The following DIABLO variants were observed in gnomAD, a reference collection of about 807,000 sequenced individuals.
DIABLO encodes the protein diablo IAP-binding mitochondrial protein, also known as diablo homolog, mitochondrial.
In DIABLO, 32 loss-of-function variants were observed where a neutral mutation model predicts 31.7. The ratio of observed to expected loss-of-function variants is 1.01; its 90% CI spans 0.76 to 1.35. The LOEUF (loss-of-function observed/expected upper bound fraction) is 1.35. Among genes scored for constraint, DIABLO ranks in the 40% most tolerant of loss-of-function variants. The pLI is 0.00. For missense variants in DIABLO, 316 were observed against 286.4 expected (o/e 1.10, Z -0.75); for synonymous variants, 132 against 103.2 (o/e 1.28, Z -1.69).
At chr12:122,224,390 C>T in intron 2 of DIABLO, 122 bp downstream of exon 2, 5 of 1,439,508 alleles carry the variant, frequency 3.5e-6, no homozygotes, top group Non-Finnish European at 4.9e-6. Flanking sequence ...GATGCCGGTA[C>T]TGTGGGGGAA....
At chr12:122,225,619 C>T (rs1042895428) in intron 1 of DIABLO, 9 of 1,258,480 alleles carry the variant, frequency 7.2e-6, no homozygotes, top group Non-Finnish European at 9.1e-6. Context: ...CGTCTCCCTT[C>T]CCGGACTCCC....
In DIABLO at chr12:122,224,553, T is replaced by C. The variant is rs200047081; in HGVS notation, c.142A>G (p.Ile48Val). ...GCACACAGGGTTACTCCAAAGCCAATCGTCACAGTTTTGTGCCATGGTCTT... is the reference window on the plus strand; with the variant it reads ...GCACACAGGGTTACTCCAAAGCCAACCGTCACAGTTTTGTGCCATGGTCTT... The part of the protein sequence containing the change: ...LIRPWHKTVT[I>V]GFGVTLCAVP... Residue 48 changes from isoleucine (I) to valine (V), a missense_variant, in exon 2 of 6, where the codon ATT (isoleucine) becomes GTT (valine). Transcript: ENST00000464942. 1.2e-6 allele frequency: 2 copies of C among 1,613,762 alleles called. No individual in the cohort carries two copies. The highest frequency in any genetic ancestry group is 1.7e-5 in the Admixed American group (1 of 59,926).
intron 3 of DIABLO, 26 bp from the exon 4 acceptor site, chr12:122,216,895 G>A: frequency 6.3e-7 from 1 of 1,574,814 alleles, no homozygotes; most frequent in Non-Finnish European, 8.7e-7. Context: ...GAACAAGTCT[G>A]AGTAAAGTAA....
Position 122,208,166 on chromosome 12 carries a change from A to G in DIABLO, c.*215T>C. 2 of 703,110 alleles carry G rather than the reference A, an allele frequency of 2.8e-6. No homozygotes were observed. The highest frequency in any genetic ancestry group is 3.0e-5 in the South Asian group (2 of 66,820). 43.6% of individuals were successfully genotyped at this position (703,110 alleles called of 1,614,324 possible). Reference sequence around the variant, plus strand: ...TGTACAGAGTGGGGTGAAATGTTAAACAGGGTGCAGTGCCCAAGGGCTAAG... The same window carrying G: ...TGTACAGAGTGGGGTGAAATGTTAAGCAGGGTGCAGTGCCCAAGGGCTAAG... On this transcript the variant is annotated 3_prime_UTR_variant, in exon 6 of 6. Transcript: ENST00000464942.
chr12:122,215,277 T>C (rs1206829531), intron 5 of DIABLO, among the ~76,000 whole-genome samples: 1 of 149,486 alleles, frequency 6.7e-6, no homozygotes, highest in Non-Finnish European at 1.5e-5. Flanking sequence ...TGAAACTCTG[T>C]CTCAAAAAAA....
upstream of DIABLO, among the ~76,000 whole-genome samples, chr12:122,227,178 C>T (rs561220338): frequency 1.6e-4 from 24 of 152,326 alleles, no homozygotes; most frequent in South Asian, 4.8e-3. Context: ...ACCCCCGCCA[C>T]CGTGCTCTGT....
rs1366697557 is a variant in DIABLO, at chr12:122,216,492, T to G, written c.519A>C (p.Gln173His). The change falls in exon 5 of 6, where the codon CAA (glutamine) becomes CAC (histidine). Residue 173 changes from glutamine (Q) to histidine (H), a missense_variant. Physicochemically the swap from Gln to His is conservative, Grantham distance 24 (BLOSUM62 0). Transcript: ENST00000464942. ...CAACACAAAACTTGAACCTACCAGTTTGATATGCAGCTTCTGCTGCCATCT... is the reference window on the plus strand; with the variant it reads ...CAACACAAAACTTGAACCTACCAGTGTGATATGCAGCTTCTGCTGCCATCT... ...LSEMAAEAAY[Q>H]TGADQASITA... The G allele has an allele frequency of 2.5e-6, 4 of 1,613,746 alleles. No homozygotes were observed. The highest frequency in any genetic ancestry group is 3.4e-6 in the Non-Finnish European group (4 of 1,179,762).
Position 122,208,465 on chromosome 12 carries a change from CT to C in DIABLO, c.635del (p.Gln212ArgfsTer2). The C allele has an allele frequency of 6.2e-7, 1 of 1,614,196 alleles. No individual in the cohort carries two copies. Among genetic ancestry groups the C allele is most frequent in the Non-Finnish European group, 8.5e-7 (1 of 1,180,032 alleles). Reference protein sequence around the residue: ...RKAETKLAEAQIEELRQKTQE... With the variant: ...RKAETKLAEAXIEELRQKTQE... ...GTGTTTTCTGACGGAGCTCTTCTAT[CT>C]GTGCTTCTGCCAGCTTGGTTTCTGC... On this transcript the variant is annotated frameshift_variant, in exon 6 of 6. Coordinates refer to ENST00000464942, the MANE Select transcript of DIABLO (RefSeq NM_001371333.1). LOFTEE classifies it high-confidence loss of function.
chr12:122,226,094 T>A, upstream of DIABLO: 1 of 1,539,760 alleles, frequency 6.5e-7, no homozygotes. Flanking sequence ...GGCCTCCACC[T>A]GAGAGCGCCT....
At chr12:122,219,657 C>A (rs1249942246) in intron 2 of DIABLO, among the ~76,000 whole-genome samples, 1 of 151,682 alleles carries the variant, frequency 6.6e-6, no homozygotes, top group African/African-American at 2.4e-5. Flanking sequence ...GAGATCGAGA[C>A]CAGCCTGGCC....
chr12:122,225,677 G>A lies in DIABLO; in HGVS notation c.50+288C>T, dbSNP rs1012427594. 15 of 1,380,912 alleles carry A rather than the reference G, an allele frequency of 1.1e-5. No homozygotes were observed. The Admixed American group carries it at 1.5e-4, about 14-fold the overall frequency. 85.5% of individuals were successfully genotyped at this position (1,380,912 alleles called of 1,614,324 possible). A position where few individuals can be genotyped will look rare whatever the true frequency, so the allele number is the denominator to read the frequency against. On this transcript the variant is annotated intron_variant, in intron 1 of 5. Coordinates refer to ENST00000464942, the MANE Select transcript of DIABLO (RefSeq NM_001371333.1). The stretch of plus-strand genomic sequence containing the variant: ...CTCCACGTCTCCTCAGGGACTTCGA[G>A]TGGCTGACGAGGGCTGGTCAGGAGG...
chr12:122,218,670 G>A (rs1025731891), intron 2 of DIABLO: 16 of 410,178 alleles, frequency 3.9e-5, no homozygotes, highest in Non-Finnish European at 5.5e-5. Flanking sequence ...GGCGGGGTAC[G>A]GTGGCTCACA....
In DIABLO at chr12:122,207,679, C is replaced by T; in HGVS notation, c.*702G>A. 2 of 616,358 alleles carry T rather than the reference C, an allele frequency of 3.2e-6. No individual in the cohort carries two copies. The highest frequency in any genetic ancestry group is 6.0e-6 in the Non-Finnish European group (2 of 331,378). 38.2% of individuals were successfully genotyped at this position (616,358 alleles called of 1,614,324 possible). ...AGGCTGCATAGGACCCCAGGAGAGA[C>T]GCATTTTCTCTTTCAGATGCAAACA... On this transcript the variant is annotated 3_prime_UTR_variant, in exon 6 of 6. Coordinates refer to ENST00000464942, the MANE Select transcript of DIABLO (RefSeq NM_001371333.1).
At chr12:122,213,300 C>T (rs569880623) in intron 5 of DIABLO, among the ~76,000 whole-genome samples, 2 of 151,416 alleles carry the variant, frequency 1.3e-5, no homozygotes, top group Admixed American at 6.6e-5. Flanking sequence ...GAGGCCAAGG[C>T]GGGTGGATCA....
At chr12:122,214,164 C>T (rs987651207) in intron 5 of DIABLO, among the ~76,000 whole-genome samples, 19 of 152,178 alleles carry the variant, frequency 1.2e-4, no homozygotes, top group African/African-American at 4.1e-4. Flanking sequence ...AGTATGATGA[C>T]ACAACACTTA....
chr12:122,210,992 G>T (rs1324827504), intron 5 of DIABLO, among the ~76,000 whole-genome samples: 2 of 133,876 alleles, frequency 1.5e-5, no homozygotes, highest in Non-Finnish European at 3.1e-5. Context: ...AGCAAGCTAT[G>T]ATCTATGATC....
chr12:122,223,562 G>A (rs1433684872), intron 2 of DIABLO, among the ~76,000 whole-genome samples: 1 of 151,916 alleles, frequency 6.6e-6, no homozygotes, highest in Non-Finnish European at 1.5e-5. Flanking sequence ...ATCTATTACG[G>A]TCTCCCCCAT....
chr12:122,222,593 T>TAAA (rs1566028336), intron 2 of DIABLO: 7 of 89,746 alleles, frequency 7.8e-5, no homozygotes, highest in African/African-American at 2.3e-4. Context: ...AAAAAAAAAT[T>TAAA]TTTGGAATCT....
At chr12:122,211,794 T>G (rs1954094402) in intron 5 of DIABLO, among the ~76,000 whole-genome samples, 1 of 152,216 alleles carries the variant, frequency 6.6e-6, no homozygotes, top group African/African-American at 2.4e-5. Context: ...CAGATCTCCT[T>G]GTAATTCTAT....
Sources: gnomAD v4.1 joint callset for allele counts (sites outside exome capture counted in the v4.1 genomes callset) on GRCh38, gnomAD v4.1.1 for gene constraint, MANE v1.5 for transcripts, NCBI Gene and HGNC (gene_info 2026-07-23, HGNC 2026-07-21) for gene names.